ANXA8: variants seen among roughly 807,000 people sequenced by gnomAD.
ANXA8 encodes VAC-beta.
In ANXA8, 9 loss-of-function variants were observed where a neutral mutation model predicts 26.8. That is an observed-to-expected ratio of 0.34 (90% CI 0.20 to 0.59). The LOEUF is 0.59. ANXA8 is among the 20% of genes least tolerant of loss of function. ANXA8 has a pLI of 0.84. For synonymous variants in ANXA8, 39 were observed against 94.8 expected (o/e 0.41, Z 3.42); for missense variants, 83 against 238.5 (o/e 0.35, Z 4.29).
At chr10:47,676,086 G>C in the ANXA8 span, among the ~76,000 whole-genome samples, 1 of 151,614 alleles carries the variant, frequency 6.6e-6, no homozygotes, top group African/African-American at 2.4e-5. Flanking sequence ...AACAGTTTAT[G>C]GACATAGCAG....
the ANXA8 span, among the ~76,000 whole-genome samples, chr10:47,665,754 T>C: frequency 2.8e-3 from 427 of 151,428 alleles, 1 homozygote; most frequent in Non-Finnish European, 4.2e-3. Flanking sequence ...AGGAATAAAT[T>C]GTTCTACTCT....
the ANXA8 span, among the ~76,000 whole-genome samples, chr10:47,946,487 G>A: frequency 2.7e-5 from 4 of 150,216 alleles, no homozygotes; most frequent in Non-Finnish European, 5.9e-5. Context: ...TGCTTAGTAA[G>A]CATTTGTTGA....
chr10:47,689,406 G>C, the ANXA8 span, among the ~76,000 whole-genome samples: 1 of 151,828 alleles, frequency 6.6e-6, no homozygotes. Flanking sequence ...TCGATCTCCT[G>C]ACCTCGTGAT....
In ANXA8 at chr10:47,468,197, A is replaced by G. The variant is rs2132381570; in HGVS notation, c.*650T>C. 1 of 147,558 alleles carries G rather than the reference A, an allele frequency of 6.8e-6. No individual in the cohort carries two copies. The highest frequency in any genetic ancestry group is 2.1e-4 in the South Asian group (1 of 4,870). 9.1% of individuals were successfully genotyped at this position (147,558 alleles called of 1,614,324 possible). A position where few individuals can be genotyped will look rare whatever the true frequency, so the allele number is the denominator to read the frequency against. Reference sequence around the variant, plus strand: ...ACCAGGGGAGCCCACGCCTCTTATAACACAGTGTCCTTGGGTCAGGAATTT... The same window carrying G: ...ACCAGGGGAGCCCACGCCTCTTATAGCACAGTGTCCTTGGGTCAGGAATTT... On this transcript the variant is annotated 3_prime_UTR_variant, in exon 12 of 12. Transcript: ENST00000585281.
At chr10:47,707,750 A>G in the ANXA8 span, among the ~76,000 whole-genome samples, 7 of 99,414 alleles carry the variant, frequency 7.0e-5, no homozygotes, top group African/African-American at 2.2e-4. Flanking sequence ...TAGAAAAGGA[A>G]ATGCTCGTAC....
chr10:47,633,565 C>T, the ANXA8 span, among the ~76,000 whole-genome samples: 51 of 107,138 alleles, frequency 4.8e-4, no homozygotes, highest in African/African-American at 2.3e-3. Context: ...CTAACATTCT[C>T]CAACCAAATA....
the ANXA8 span, among the ~76,000 whole-genome samples, chr10:47,937,397 G>A: frequency 6.7e-6 from 1 of 148,888 alleles, no homozygotes; most frequent in African/African-American, 2.4e-5. Context: ...AGAGTCCATG[G>A]TTTTTTTAAA....
the ANXA8 span, among the ~76,000 whole-genome samples, chr10:47,595,404 C>T: frequency 6.8e-6 from 1 of 147,670 alleles, no homozygotes; most frequent in African/African-American, 2.6e-5. Flanking sequence ...CACAATCTCA[C>T]ATATCAATGT....
At chr10:47,495,380 C>T in the ANXA8 span, among the ~76,000 whole-genome samples, 28 of 150,210 alleles carry the variant, frequency 1.9e-4, no homozygotes, top group South Asian at 3.4e-3. Context: ...CTGCCTCCCG[C>T]GTTCAAGAGA....
chr10:47,692,915 A>G, the ANXA8 span, among the ~76,000 whole-genome samples: 4 of 150,930 alleles, frequency 2.7e-5, no homozygotes, highest in Admixed American at 1.3e-4. Flanking sequence ...TTGTATTTTT[A>G]GTAGAGACGG....
the ANXA8 span, among the ~76,000 whole-genome samples, chr10:47,656,535 C>A: frequency 7.1e-6 from 1 of 141,710 alleles, no homozygotes; most frequent in Non-Finnish European, 1.5e-5. Flanking sequence ...GTTCCATCAT[C>A]CAATAAGTTT....
At chr10:47,580,578 A>C in the ANXA8 span, among the ~76,000 whole-genome samples, 1 of 150,078 alleles carries the variant, frequency 6.7e-6, no homozygotes, top group African/African-American at 2.5e-5. Context: ...TCTACGAAAA[A>C]AAAATTTTAA....
chr10:47,632,153 T>C, the ANXA8 span, among the ~76,000 whole-genome samples: 2 of 152,112 alleles, frequency 1.3e-5, no homozygotes, highest in Admixed American at 6.5e-5. Context: ...TTTAAAATTA[T>C]GTTGAGTGGT....
the ANXA8 span, among the ~76,000 whole-genome samples, chr10:47,677,278 A>T: frequency 1.3e-5 from 2 of 152,084 alleles, no homozygotes; most frequent in African/African-American, 4.8e-5. Context: ...TTCTGGATGC[A>T]TATGTAATCT....
At chr10:47,483,322 C>T (rs2132435851) in intron 1 of ANXA8, among the ~76,000 whole-genome samples, 1 of 133,588 alleles carries the variant, frequency 7.5e-6, no homozygotes, top group African/African-American at 3.1e-5. Flanking sequence ...TGCTCAAAGC[C>T]CTTCAGTGCC....
chr10:47,664,398 A>C, the ANXA8 span, among the ~76,000 whole-genome samples: 1 of 150,754 alleles, frequency 6.6e-6, no homozygotes, highest in East Asian at 1.9e-4. Context: ...TAAATAAATA[A>C]TAAAAATAAA....
At chr10:47,676,218 T>C in the ANXA8 span, among the ~76,000 whole-genome samples, 15 of 151,772 alleles carry the variant, frequency 9.9e-5, no homozygotes, top group South Asian at 4.1e-4. Flanking sequence ...ATATATGTAA[T>C]TGGAGTTTCA....
the ANXA8 span, among the ~76,000 whole-genome samples, chr10:47,977,462 AC>A: frequency 1.3e-5 from 2 of 150,944 alleles, no homozygotes; most frequent in Non-Finnish European, 3.0e-5. Flanking sequence ...GCCATTAGAA[AC>A]TTTTTCTTGA....
At chr10:47,600,059 G>GTTA in the ANXA8 span, among the ~76,000 whole-genome samples, 1 of 149,540 alleles carries the variant, frequency 6.7e-6, no homozygotes, top group Non-Finnish European at 1.5e-5. Flanking sequence ...CATTGATCAT[G>GTTA]TTAAGGTCAC....
Sources: allele counts gnomAD v4.1 joint callset (sites outside exome capture counted in the v4.1 genomes callset), GRCh38; gene constraint gnomAD v4.1.1; transcripts MANE v1.5; gene names NCBI Gene and HGNC (gene_info 2026-07-23, HGNC 2026-07-21).